PCGF3: variants seen among roughly 807,000 people sequenced by gnomAD.
PCGF3 encodes the protein polycomb group RING finger protein 3.
PCGF3 carries 7 observed loss-of-function variants against 33.1 expected under a neutral mutation model. That is an observed-to-expected ratio of 0.21 (90% CI 0.12 to 0.40). The LOEUF (loss-of-function observed/expected upper bound fraction) is 0.40, where lower values mean the gene tolerates loss of function less well. PCGF3 is among the 10% of genes least tolerant of loss of function. The pLI, the probability that PCGF3 is intolerant of heterozygous loss-of-function variation, is 1.00. For missense variants in PCGF3, 211 were observed against 313.3 expected (o/e 0.67, Z 2.46); for synonymous variants, 153 against 121.3 (o/e 1.26, Z -1.72).
intron 9 of PCGF3, chr4:764,763 T>C: frequency 1.9e-6 from 1 of 526,148 alleles, no homozygotes. Context: ...TCTTATATGT[T>C]GCACTGGATT....
chr4:717,624 C>T (rs1363011722), intron 1 of PCGF3, among the ~76,000 whole-genome samples: 3 of 152,190 alleles, frequency 2.0e-5, no homozygotes, highest in African/African-American at 4.8e-5. Flanking sequence ...GTGATCTGCC[C>T]ACCTTGGCCT....
At chr4:719,538 C>T (rs564126995) in intron 1 of PCGF3, among the ~76,000 whole-genome samples, 38 of 152,336 alleles carry the variant, frequency 2.5e-4, no homozygotes, top group African/African-American at 8.9e-4. Context: ...CGCGGGTTGG[C>T]GAGGGAGCTG....
chr4:740,746 A>C (rs1744052146), intron 6 of PCGF3, among the ~76,000 whole-genome samples: 1 of 152,176 alleles, frequency 6.6e-6, no homozygotes, highest in South Asian at 2.1e-4. Flanking sequence ...TGATGTGATA[A>C]TTTAAGAATT....
chr4:734,098 A>C (rs760086435), intron 4 of PCGF3: 6 of 1,550,504 alleles, frequency 3.9e-6, no homozygotes, highest in Middle Eastern at 1.7e-4. Context: ...GCAGTTTCCA[A>C]ATCTCCAGAG....
chr4:730,479 G>C (rs763927762), intron 1 of PCGF3, among the ~76,000 whole-genome samples, 151 bp from the exon 2 acceptor site: 38 of 152,164 alleles, frequency 2.5e-4, no homozygotes, highest in Non-Finnish European at 4.4e-4. Flanking sequence ...CTCCCGGGTA[G>C]AGCCTGTTCT....
rs572168756 is a variant in PCGF3 at position 713,508 on chromosome 4, G to A, written c.-190+7538G>A. ...GTGGCCTGGTGGGGGCTGTGGCCTTGTGGGTCCTGTGTGGCCTCATGGGTC... is the reference window on the plus strand; with the variant it reads ...GTGGCCTGGTGGGGGCTGTGGCCTTATGGGTCCTGTGTGGCCTCATGGGTC... On this transcript the variant is annotated intron_variant, in intron 1 of 10. Coordinates refer to ENST00000362003, the Ensembl canonical transcript of PCGF3. 1.9e-3 allele frequency among the ~76,000 whole-genome samples: 263 copies of A among 135,622 alleles called. 1 individual carries two copies. Among genetic ancestry groups the A allele is most frequent in the African/African-American group, 6.7e-3 (244 of 36,232 alleles). The allele number at this position is 135,622 out of a possible 152,430, so 89.0% of individuals were successfully genotyped here.
At chr4:726,909 C>A (rs1238525764) in intron 1 of PCGF3, among the ~76,000 whole-genome samples, 1 of 152,332 alleles carries the variant, frequency 6.6e-6, no homozygotes, top group East Asian at 1.9e-4. Context: ...TCCCTCAGGT[C>A]CCTCTGTGGC....
intron 1 of PCGF3, among the ~76,000 whole-genome samples, chr4:716,010 A>G (rs1577396416): frequency 7.7e-6 from 1 of 129,496 alleles, no homozygotes. Context: ...CGGTGCTGGG[A>G]CCCTGTAGAC....
At chr4:716,765 CTG>C (rs1742868172) in intron 1 of PCGF3, among the ~76,000 whole-genome samples, 6 of 133,178 alleles carry the variant, frequency 4.5e-5, no homozygotes, top group East Asian at 2.4e-4. Flanking sequence ...CCTGTAGATA[CTG>C]TGAGTGTGAG....
chr4:742,481 C>G (rs1424105687), intron 6 of PCGF3, among the ~76,000 whole-genome samples: 2 of 152,232 alleles, frequency 1.3e-5, no homozygotes, highest in African/African-American at 4.8e-5. Flanking sequence ...AGAGTGATGT[C>G]TGGGTTGCGG....
intron 8 of PCGF3, chr4:757,725 A>C (rs1021403605): frequency 1.3e-5 from 2 of 152,050 alleles, no homozygotes; most frequent in Non-Finnish European, 2.9e-5. Context: ...TCTTTTCGTC[A>C]GTTTTTTCCT....
chr4:735,978 C>T (rs1199887025), intron 5 of PCGF3, among the ~76,000 whole-genome samples: 3 of 152,196 alleles, frequency 2.0e-5, no homozygotes, highest in Middle Eastern at 6.3e-3. Context: ...AGAGATAATT[C>T]TGAAGACACA....
chr4:716,339 G>A (rs28420513), intron 1 of PCGF3, among the ~76,000 whole-genome samples: 4,700 of 128,712 alleles, frequency 0.037, 131 homozygotes, highest in East Asian at 0.043. Flanking sequence ...GCGAGTGTGA[G>A]AACTGGGCGT....
At chr4:710,687 T>A (rs1742526028) in intron 1 of PCGF3, among the ~76,000 whole-genome samples, 1 of 152,210 alleles carries the variant, frequency 6.6e-6, no homozygotes, top group South Asian at 2.1e-4. Context: ...AAATTACAGA[T>A]AGAAAAGATT....
At position 744,702 on chromosome 4, in the gene PCGF3, G is replaced by C. The variant is rs565370844; in HGVS notation, c.462+14G>C. 1.8e-3 allele frequency: 2,611 copies of C among 1,430,446 alleles called. 19 individuals carry two copies. The East Asian group carries it at 0.018, about 10-fold the overall frequency. The allele number at this position is 1,430,446 out of a possible 1,614,324, so 88.6% of individuals were successfully genotyped here. ...AGCGACGAGCAGGTGGGCGGGGCCCGGGGGTCGCTGCAGTGTTAGTGTTCG... is the reference window on the plus strand; with the variant it reads ...AGCGACGAGCAGGTGGGCGGGGCCCCGGGGTCGCTGCAGTGTTAGTGTTCG... On this transcript the variant is annotated intron_variant, in intron 8 of 10. Transcript: ENST00000362003.
intron 1 of PCGF3, among the ~76,000 whole-genome samples, chr4:716,202 G>C (rs1345883169): frequency 7.8e-6 from 1 of 128,950 alleles, no homozygotes; most frequent in Non-Finnish European, 1.7e-5. Flanking sequence ...GACACTTAGT[G>C]TGAGAACTGG....
rs761408930 is a variant in PCGF3 at position 751,630 on chromosome 4, AC to A, written c.462+6943del. Among the ~76,000 whole-genome samples, 54 of 151,260 alleles carry A rather than the reference AC, an allele frequency of 3.6e-4. 1 individual carries two copies. The highest frequency in any genetic ancestry group is 7.3e-4 in the African/African-American group (30 of 41,218). On this transcript the variant is annotated intron_variant, in intron 8 of 10. Transcript: ENST00000362003. ...AATACTAAGCATTAAAAAAAAAAAA[AC>A]ATATGAGGGAAGCACCTGCCACCCA...
chr4:735,869 C>T (rs1164636960), intron 5 of PCGF3, among the ~76,000 whole-genome samples: 1 of 152,170 alleles, frequency 6.6e-6, no homozygotes, highest in Non-Finnish European at 1.5e-5. Context: ...AGGGGCCAGC[C>T]AGGTGGAGCG....
intron 6 of PCGF3, among the ~76,000 whole-genome samples, chr4:738,888 A>G (rs1371330655): frequency 6.8e-6 from 1 of 147,800 alleles, no homozygotes; most frequent in South Asian, 2.2e-4. Context: ...TAAAGTGTGC[A>G]CTGGAGCGTT....
Sources: allele counts gnomAD v4.1 joint callset (sites outside exome capture counted in the v4.1 genomes callset), GRCh38; gene constraint gnomAD v4.1.1; transcripts MANE v1.5; gene names NCBI Gene and HGNC (gene_info 2026-07-23, HGNC 2026-07-21).